Variants in RIPOR2 observed in about 807,000 individuals in gnomAD.
The protein encoded by RIPOR2 is rho family-interacting cell polarization regulator 2.
Under a neutral mutation model 114.5 loss-of-function variants are expected in RIPOR2, and 39 were observed. The observed-to-expected ratio is 0.34, with a 90% CI of 0.26 to 0.44. The LOEUF is 0.44. RIPOR2 is among the 20% of genes least tolerant of loss of function. The probability of loss-of-function intolerance (pLI) is 1.00; values close to 1 mark genes in which losing one functional copy is unlikely to be tolerated. For missense variants in RIPOR2, 1,007 were observed against 1,255.1 expected (o/e 0.80, Z 2.99); for synonymous variants, 445 against 484.4 (o/e 0.92, Z 1.07).
chr6:24,846,898 T>C (rs1159308092), intron 12 of RIPOR2, among the ~76,000 whole-genome samples: 1 of 152,224 alleles, frequency 6.6e-6, no homozygotes, highest in East Asian at 1.9e-4. Flanking sequence ...ACCTTTCAAA[T>C]AGAAGTAGCT....
chr6:24,842,669 A>C (rs1761834746), intron 13 of RIPOR2, among the ~76,000 whole-genome samples, 193 bp downstream of exon 13: 2 of 152,338 alleles, frequency 1.3e-5, no homozygotes, highest in East Asian at 3.9e-4. Flanking sequence ...AATTTAGATA[A>C]GTTGATCTGT....
At chr6:24,845,403 C>A (rs1762160425) in intron 12 of RIPOR2, among the ~76,000 whole-genome samples, 1 of 152,122 alleles carries the variant, frequency 6.6e-6, no homozygotes, top group East Asian at 1.9e-4. Flanking sequence ...CATGGGGGTT[C>A]CTTAGGCTTC....
chr6:25,001,459 C>A (rs1399018914), intron 1 of RIPOR2, among the ~76,000 whole-genome samples: 3 of 151,596 alleles, frequency 2.0e-5, no homozygotes, highest in Non-Finnish European at 4.4e-5. Flanking sequence ...CCCGTCTCTA[C>A]TAAGAATACA....
Position 24,843,423 on chromosome 6 carries a change from G to A in RIPOR2, c.1296C>T (p.Asn432=). ...TGATGGTAATTTCTGGATTTGTTGA[G>A]TTGGAAGGGGAGCCTGTTGAGTGGG... ...LTSHSTGSPS[N]STNPEITITP... is the part of the protein sequence containing the mutation. Residue 432 remains asparagine (N), a synonymous_variant, in exon 13 of 22, where the codon AAC becomes AAT. Transcript: ENST00000643898. The A allele has an allele frequency of 6.2e-7, 1 of 1,613,322 alleles. No homozygotes were observed. The highest frequency in any genetic ancestry group is 2.2e-5 in the East Asian group (1 of 44,886).
intron 1 of RIPOR2, among the ~76,000 whole-genome samples, chr6:24,935,319 AC>A (rs1396638421): frequency 0.036 from 1,088 of 30,058 alleles, 12 homozygotes; most frequent in East Asian, 0.072. Context: ...AAAAACAACA[AC>A]AAAAAAAAAA....
At chr6:24,854,170 A>T (rs1763223442) in intron 8 of RIPOR2, among the ~76,000 whole-genome samples, 2 of 151,936 alleles carry the variant, frequency 1.3e-5, no homozygotes, top group Non-Finnish European at 2.9e-5. Context: ...ATTGATATGC[A>T]TCAGGGAGGC....
chr6:24,811,657 C>CTTTTTTTTTTTTTTTTTT (rs1222503239), intron 20 of RIPOR2, among the ~76,000 whole-genome samples: 5 of 21,740 alleles, frequency 2.3e-4, no homozygotes, highest in Non-Finnish European at 2.8e-4. Flanking sequence ...TCGTTTAGTA[C>CTTTTTTTTTTTTTTTTTT]TTTTTTTTTT....
At chr6:24,952,654 T>G (rs1772835406) in intron 1 of RIPOR2, among the ~76,000 whole-genome samples, 1 of 152,228 alleles carries the variant, frequency 6.6e-6, no homozygotes, top group African/African-American at 2.4e-5. Context: ...TTGTTTTAAA[T>G]GTAATTTATT....
chr6:25,022,110 C>A (rs1776350157), intron 1 of RIPOR2, among the ~76,000 whole-genome samples: 1 of 152,144 alleles, frequency 6.6e-6, no homozygotes. Flanking sequence ...GTAAAATTAG[C>A]CCTTTTTAGT....
chr6:24,832,441 G>A, intron 15 of RIPOR2, 50 bp from the exon 16 acceptor site: 4 of 1,522,788 alleles, frequency 2.6e-6, no homozygotes, highest in South Asian at 1.2e-5. Context: ...TTTCAGTAGA[G>A]CTTTCTCTAC....
At chr6:25,008,723 C>T (rs968772220) in intron 1 of RIPOR2, among the ~76,000 whole-genome samples, 23 of 152,224 alleles carry the variant, frequency 1.5e-4, no homozygotes, top group African/African-American at 5.3e-4. Flanking sequence ...AAAGTGGCCT[C>T]TCTGACATCT....
intron 1 of RIPOR2, among the ~76,000 whole-genome samples, chr6:24,973,726 A>C (rs1197037157): frequency 6.6e-6 from 1 of 152,244 alleles, no homozygotes; most frequent in Non-Finnish European, 1.5e-5. Flanking sequence ...GAATAAAGAA[A>C]ATATGGTATA....
intron 1 of RIPOR2, among the ~76,000 whole-genome samples, chr6:25,003,645 G>T (rs572719786): frequency 5.3e-5 from 8 of 152,050 alleles, no homozygotes; most frequent in African/African-American, 1.9e-4. Context: ...TGCCCAGTCT[G>T]GTCTCCACCT....
chr6:24,984,804 ATGT>A (rs1774465324), intron 1 of RIPOR2, among the ~76,000 whole-genome samples: 3 of 152,188 alleles, frequency 2.0e-5, no homozygotes, highest in Non-Finnish European at 4.4e-5. Flanking sequence ...CTGACAGGAC[ATGT>A]TGTAGTGATA....
intron 8 of RIPOR2, among the ~76,000 whole-genome samples, chr6:24,860,758 T>C (rs1763992724): frequency 6.6e-6 from 1 of 152,230 alleles, no homozygotes; most frequent in Non-Finnish European, 1.5e-5. Flanking sequence ...TCTCCACTTC[T>C]GTGTATGTTT....
At chr6:24,868,805 TTATCTC>T (rs937738773) in intron 6 of RIPOR2, among the ~76,000 whole-genome samples, 32 of 152,208 alleles carry the variant, frequency 2.1e-4, no homozygotes, top group African/African-American at 6.8e-4. Flanking sequence ...GATTGATAGT[TTATCTC>T]TAAGCACTCT....
intron 1 of RIPOR2, among the ~76,000 whole-genome samples, chr6:24,985,798 T>G (rs987616577): frequency 7.6e-6 from 1 of 131,100 alleles, no homozygotes; most frequent in Non-Finnish European, 1.8e-5. Context: ...GATTTACTGA[T>G]AGCAGTAAGT....
At chr6:24,993,780 A>T (rs1774934098) in intron 1 of RIPOR2, among the ~76,000 whole-genome samples, 1 of 152,234 alleles carries the variant, frequency 6.6e-6, no homozygotes, top group Non-Finnish European at 1.5e-5. Flanking sequence ...CCATTTGTTA[A>T]TGTATTTTCT....
chr6:24,969,170 G>A (rs1773662976), intron 1 of RIPOR2, among the ~76,000 whole-genome samples: 1 of 152,216 alleles, frequency 6.6e-6, no homozygotes, highest in Admixed American at 6.5e-5. Context: ...GTCCTGGGAG[G>A]AGGCCTGGGA....
Sources: allele counts gnomAD v4.1 joint callset (sites outside exome capture counted in the v4.1 genomes callset), GRCh38; gene constraint gnomAD v4.1.1; transcripts MANE v1.5; gene names NCBI Gene and HGNC (gene_info 2026-07-23, HGNC 2026-07-21).